The following ABTB3 variants were observed in gnomAD, a reference collection of about 807,000 sequenced individuals.
ABTB3 encodes the protein ankyrin repeat and BTB domain containing 3, also known as ankyrin repeat- and BTB/POZ domain-containing protein 3.
the ABTB3 span, among the ~76,000 whole-genome samples, chr12:107,520,811 G>A: frequency 3.0e-4 from 46 of 152,338 alleles, no homozygotes; most frequent in African/African-American, 1.1e-3. Context: ...CGTGGGGAAG[G>A]TAAGAGCTCT....
chr12:107,425,677 C>A, the ABTB3 span, among the ~76,000 whole-genome samples: 1 of 152,190 alleles, frequency 6.6e-6, no homozygotes, highest in African/African-American at 2.4e-5. Flanking sequence ...CCATGCCTAC[C>A]ATATTTCATT....
At chr12:107,436,042 C>G in the ABTB3 span, among the ~76,000 whole-genome samples, 2 of 152,158 alleles carry the variant, frequency 1.3e-5, no homozygotes, top group East Asian at 1.9e-4. Context: ...CATTTTAAAC[C>G]CTTGCTCTGC....
At chr12:107,377,414 AGTGTGTGTGTGTGT>A in the ABTB3 span, among the ~76,000 whole-genome samples, 14 of 146,622 alleles carry the variant, frequency 9.5e-5, no homozygotes, top group African/African-American at 3.5e-4. Context: ...AGAGAGCAAG[AGTGTGTGTGTGTGT>A]GTGTGTGTGT....
chr12:107,324,903 C>T, the ABTB3 span, among the ~76,000 whole-genome samples: 5 of 152,286 alleles, frequency 3.3e-5, no homozygotes, highest in East Asian at 5.8e-4. Context: ...TAGCAAGTGA[C>T]TTAATTTTGC....
At chr12:107,382,212 A>G in the ABTB3 span, among the ~76,000 whole-genome samples, 1 of 152,276 alleles carries the variant, frequency 6.6e-6, no homozygotes, top group Non-Finnish European at 1.5e-5. Flanking sequence ...GTGACTTACT[A>G]GGAATGAGTT....
chr12:107,411,032 G>T, the ABTB3 span, among the ~76,000 whole-genome samples: 1 of 152,156 alleles, frequency 6.6e-6, no homozygotes, highest in Non-Finnish European at 1.5e-5. Context: ...AGGCTTGGTG[G>T]CTCATGCCCG....
the ABTB3 span, among the ~76,000 whole-genome samples, chr12:107,514,501 C>T: frequency 1.3e-5 from 2 of 152,108 alleles, no homozygotes; most frequent in African/African-American, 4.8e-5. Context: ...AACCTCAGTT[C>T]CCTCTGTATC....
the ABTB3 span, among the ~76,000 whole-genome samples, chr12:107,367,177 G>C: frequency 2.0e-5 from 3 of 152,216 alleles, no homozygotes; most frequent in Non-Finnish European, 2.9e-5. Context: ...GTGGAAGATT[G>C]GCAGTAGCTG....
chr12:107,508,443 T>TAATTAAAATCTCAAAGATCA, the ABTB3 span, among the ~76,000 whole-genome samples: 1 of 74,932 alleles, frequency 1.3e-5, no homozygotes, highest in Admixed American at 1.7e-4. Flanking sequence ...CATTTCTTTT[T>TAATTAAAATCTCAAAGATCA]TTTTTTTTTT....
the ABTB3 span, among the ~76,000 whole-genome samples, chr12:107,653,840 CATT>C: frequency 6.6e-6 from 1 of 152,170 alleles, no homozygotes; most frequent in Non-Finnish European, 1.5e-5. Context: ...AGTTCAGTGG[CATT>C]AAGTACATTT....
At chr12:107,468,331 T>G in the ABTB3 span, among the ~76,000 whole-genome samples, 1 of 152,122 alleles carries the variant, frequency 6.6e-6, no homozygotes, top group Non-Finnish European at 1.5e-5. Flanking sequence ...TTCCCTCTTA[T>G]GCTGGGAGAG....
chr12:107,644,979 T>TC, the ABTB3 span, among the ~76,000 whole-genome samples: 1 of 151,168 alleles, frequency 6.6e-6, no homozygotes, highest in African/African-American at 2.4e-5. Context: ...TCACTTTTTT[T>TC]TTTTTTTTTT....
the ABTB3 span, among the ~76,000 whole-genome samples, chr12:107,499,198 T>C: frequency 6.6e-6 from 1 of 152,174 alleles, no homozygotes; most frequent in Non-Finnish European, 1.5e-5. Context: ...TGTGATTTCA[T>C]GACTTACTGG....
the ABTB3 span, among the ~76,000 whole-genome samples, chr12:107,629,228 A>G: frequency 6.7e-6 from 1 of 149,650 alleles, no homozygotes; most frequent in East Asian, 2.0e-4. Flanking sequence ...ACCAGCCTGG[A>G]CAACATAGTG....
the ABTB3 span, among the ~76,000 whole-genome samples, chr12:107,370,745 A>G: frequency 2.8e-5 from 4 of 142,806 alleles, no homozygotes; most frequent in East Asian, 8.2e-4. Context: ...TTGGCTGCCT[A>G]TCAAAAAAGG....
the ABTB3 span, among the ~76,000 whole-genome samples, chr12:107,453,173 T>C: frequency 2.2e-3 from 339 of 151,148 alleles, 6 homozygotes; most frequent in African/African-American, 8.2e-3. Flanking sequence ...TAATCAGGAG[T>C]TGGGGGAGAG....
the ABTB3 span, among the ~76,000 whole-genome samples, chr12:107,370,867 G>T: frequency 1.3e-5 from 2 of 149,514 alleles, no homozygotes; most frequent in African/African-American, 4.9e-5. Flanking sequence ...GGCTGTCAGG[G>T]TAGGCAGGAG....
chr12:107,591,523 AG>A, the ABTB3 span, among the ~76,000 whole-genome samples: 4 of 152,246 alleles, frequency 2.6e-5, no homozygotes, highest in East Asian at 3.9e-4. Context: ...GAGAACAGCA[AG>A]GGGGAAGTCC....
chr12:107,347,046 T>G, the ABTB3 span, among the ~76,000 whole-genome samples: 2 of 152,240 alleles, frequency 1.3e-5, no homozygotes, highest in Admixed American at 6.5e-5. Context: ...TGTAAAAGTC[T>G]TCCATTTAGA....
Sources: allele counts gnomAD v4.1 joint callset (sites outside exome capture counted in the v4.1 genomes callset), GRCh38; gene constraint gnomAD v4.1.1; transcripts MANE v1.5; gene names NCBI Gene and HGNC (gene_info 2026-07-23, HGNC 2026-07-21).